The following DDX60L variants were observed in gnomAD, a reference collection of about 807,000 sequenced individuals.
DDX60L encodes the protein probable ATP-dependent RNA helicase DDX60-like.
In DDX60L, 191 loss-of-function variants were observed where a neutral mutation model predicts 211.6. That is an observed-to-expected ratio of 0.90 (90% CI 0.80 to 1.02). DDX60L has a LOEUF of 1.02. Ranked by LOEUF, DDX60L falls within the 50% of genes least tolerant of loss-of-function variation. The probability of loss-of-function intolerance (pLI) is 0.00; values close to 1 mark genes in which losing one functional copy is unlikely to be tolerated. For synonymous variants in DDX60L, 706 were observed against 694.1 expected (o/e 1.02, Z -0.27); for missense variants, 2,007 against 1,984.1 (o/e 1.01, Z -0.22).
chr4:168,398,430 C>G (rs947515344), intron 26 of DDX60L, among the ~76,000 whole-genome samples: 1 of 152,224 alleles, frequency 6.6e-6, no homozygotes, highest in African/African-American at 2.4e-5. Context: ...GGGCTAAGAG[C>G]AGCTCGGCAC....
chr4:168,402,896 A>G (rs543476894), intron 25 of DDX60L, among the ~76,000 whole-genome samples: 164 of 152,348 alleles, frequency 1.1e-3, no homozygotes, highest in Non-Finnish European at 2.1e-3. Context: ...GTTCCCAAAC[A>G]TTTAAAATGT....
At position 168,448,753 on chromosome 4, in the gene DDX60L, TAA is replaced by T; in HGVS notation, c.1021_1022del (p.Leu341LysfsTer18). 9 of 1,606,008 alleles carry T rather than the reference TAA, an allele frequency of 5.6e-6. No homozygotes were observed. Among genetic ancestry groups the T allele is most frequent in the Non-Finnish European group, 6.8e-6 (8 of 1,174,608 alleles). On this transcript the variant is annotated frameshift_variant, in exon 9 of 38. Coordinates refer to ENST00000682922, the MANE Select transcript of DDX60L (RefSeq NM_001012967.3). LOFTEE classifies it high-confidence loss of function. ...AGCATCCAAAAACGTTTAAGTTGCT[TAA>T]AATGAAATATTCACACCACTTGTTC... ...KMNKWCEYFI[L>X]SNLNVFGCWN... is the part of the protein sequence containing the mutation.
At chr4:168,473,338 T>C (rs779208545) in intron 1 of DDX60L, among the ~76,000 whole-genome samples, 5 of 152,216 alleles carry the variant, frequency 3.3e-5, no homozygotes, top group African/African-American at 9.7e-5. Context: ...CATTACTCTA[T>C]CTTTAGTAGA....
At position 168,433,022 on chromosome 4, in the gene DDX60L, G is replaced by A; in HGVS notation, c.1388C>T (p.Pro463Leu). ...ATTAACTCTGTACCTCTTTAGAATA[G>A]GCAAATCCTTCATCATATCTCCAAC... is the stretch of plus-strand genomic sequence containing the variant. The part of the protein sequence containing the change: ...EFVGDMMKDL[P>L]ILKSDDPVVP... The change falls in exon 11 of 38, where the codon CCT becomes CTT. Residue 463 changes from proline (P) to leucine (L), a missense_variant. Physicochemically the swap from Pro to Leu is moderately conservative, Grantham distance 98. Transcript: ENST00000682922. 2 of 1,605,680 alleles carry A rather than the reference G, an allele frequency of 1.2e-6. No individual in the cohort carries two copies. Among genetic ancestry groups the A allele is most frequent in the Non-Finnish European group, 1.7e-6 (2 of 1,175,298 alleles).
intron 5 of DDX60L, among the ~76,000 whole-genome samples, chr4:168,461,060 C>T (rs1757260790): frequency 6.6e-6 from 1 of 152,170 alleles, no homozygotes; most frequent in Non-Finnish European, 1.5e-5. Flanking sequence ...GAACAAACCT[C>T]ACTGTTCGAG....
In DDX60L at chr4:168,403,994, G is replaced by C; in HGVS notation, c.3326C>G (p.Ala1109Gly). ...TTCAGTTACTTACAAAAAAAATATT[G>C]CAGGCAACTTATCCATTTGTCTTAA... ...EKLRQMDKLP[A>G]IFFLFKNDDV... is the part of the protein sequence containing the mutation. The change falls in exon 25 of 38, where the codon GCA becomes GGA. Residue 1109 changes from alanine (A) to glycine (G), a missense_variant. Physicochemically the swap from Ala to Gly is moderately conservative, Grantham distance 60. Coordinates refer to ENST00000682922, the MANE Select transcript of DDX60L (RefSeq NM_001012967.3). 6.9e-7 allele frequency: 1 copy of C among 1,459,554 alleles called. No homozygotes were observed. Among genetic ancestry groups the C allele is most frequent in the Non-Finnish European group, 9.2e-7 (1 of 1,088,896 alleles). 90.4% of individuals were successfully genotyped at this position (1,459,554 alleles called of 1,614,324 possible).
intron 7 of DDX60L, among the ~76,000 whole-genome samples, chr4:168,454,510 C>T (rs896659601): frequency 6.6e-6 from 1 of 152,050 alleles, no homozygotes; most frequent in African/African-American, 2.4e-5. Flanking sequence ...CACAGTAAGC[C>T]CTAAATGTTA....
At chr4:168,477,420 A>G (rs1438141201) in intron 1 of DDX60L, among the ~76,000 whole-genome samples, 1 of 152,198 alleles carries the variant, frequency 6.6e-6, no homozygotes, top group Non-Finnish European at 1.5e-5. Context: ...GTCTAAAAAA[A>G]AAAAAAAGTG....
At chr4:168,473,150 A>G (rs914972845) in intron 1 of DDX60L, among the ~76,000 whole-genome samples, 1 of 152,220 alleles carries the variant, frequency 6.6e-6, no homozygotes, top group Non-Finnish European at 1.5e-5. Context: ...AAGATTCAGA[A>G]AAGAAGTTAG....
At chr4:168,465,855 CTG>C (rs1283356655) in intron 4 of DDX60L, among the ~76,000 whole-genome samples, 1 of 152,064 alleles carries the variant, frequency 6.6e-6, no homozygotes, top group African/African-American at 2.4e-5. Flanking sequence ...ACTGGTCCAA[CTG>C]TGTTTTTATG....
chr4:168,430,667 A>G, intron 12 of DDX60L, 29 bp from the exon 13 acceptor site: 1 of 1,460,938 alleles, frequency 6.8e-7, no homozygotes, highest in Non-Finnish European at 9.1e-7. Flanking sequence ...AAATGTAAAC[A>G]TGTATTTTAA....
At chr4:168,441,541 GACAC>G in intron 9 of DDX60L, 49 bp from the exon 10 acceptor site, 1 of 1,414,560 alleles carries the variant, frequency 7.1e-7, no homozygotes, top group East Asian at 2.3e-5. Flanking sequence ...TACACATGCA[GACAC>G]ACACAGAGCA....
At chr4:168,414,418 GACAAT>G (rs1749185002) in intron 22 of DDX60L, among the ~76,000 whole-genome samples, 1 of 151,944 alleles carries the variant, frequency 6.6e-6, no homozygotes, top group Non-Finnish European at 1.5e-5. Context: ...TTTCAAGACA[GACAAT>G]ACAATAAGAT....
At chr4:168,449,382 G>A (rs1269894252) in intron 8 of DDX60L, among the ~76,000 whole-genome samples, 3 of 133,354 alleles carry the variant, frequency 2.2e-5, no homozygotes, top group African/African-American at 5.8e-5. Flanking sequence ...ACCAAACACC[G>A]CATATTCTCA....
At chr4:168,373,898 G>A (rs1165157726) in intron 34 of DDX60L, 90 bp from the exon 35 acceptor site, 1 of 1,310,380 alleles carries the variant, frequency 7.6e-7, no homozygotes, top group Admixed American at 2.1e-5. Context: ...GCCACAGTAG[G>A]TGACATTCAT....
At position 168,478,534 on chromosome 4, in the gene DDX60L, A is replaced by T. The variant is rs574802275; in HGVS notation, c.-111+1843T>A. ...TTATAAAAAAGGGTGATATCAGTAAATCAACCAGCAGGTCTCCATACTTAC... is the reference window on the plus strand; with the variant it reads ...TTATAAAAAAGGGTGATATCAGTAATTCAACCAGCAGGTCTCCATACTTAC... On this transcript the variant is annotated intron_variant, in intron 1 of 37. Coordinates refer to ENST00000682922, the MANE Select transcript of DDX60L (RefSeq NM_001012967.3). Among the ~76,000 whole-genome samples, 71 of 152,334 alleles carry T rather than the reference A, an allele frequency of 4.7e-4. 4 individuals are homozygous for T. The South Asian group carries it at 0.014, about 31-fold the overall frequency.
chr4:168,437,794 A>G (rs534110069), intron 10 of DDX60L, among the ~76,000 whole-genome samples: 1 of 152,312 alleles, frequency 6.6e-6, no homozygotes, highest in Admixed American at 6.5e-5. Flanking sequence ...TGACTCTGGC[A>G]GAACATCACA....
intron 36 of DDX60L, among the ~76,000 whole-genome samples, chr4:168,368,924 T>C (rs1344685194): frequency 6.6e-6 from 1 of 152,228 alleles, no homozygotes; most frequent in African/African-American, 2.4e-5. Flanking sequence ...ACCCCCACTG[T>C]ATCTAGGAAG....
intron 33 of DDX60L, among the ~76,000 whole-genome samples, 175 bp from the exon 34 acceptor site, chr4:168,375,699 T>G (rs1013490050): frequency 6.6e-6 from 1 of 152,196 alleles, no homozygotes; most frequent in Non-Finnish European, 1.5e-5. Flanking sequence ...CAACCAACAT[T>G]TATAAATGTA....
Sources: allele counts gnomAD v4.1 joint callset (sites outside exome capture counted in the v4.1 genomes callset), GRCh38; gene constraint gnomAD v4.1.1; transcripts MANE v1.5; gene names NCBI Gene and HGNC (gene_info 2026-07-23, HGNC 2026-07-21).